ADAM22: variants seen among roughly 807,000 people sequenced by gnomAD.
ADAM22 encodes the protein ADAM metallopeptidase domain 22, also known as disintegrin and metalloproteinase domain-containing protein 22.
In ADAM22, 65 loss-of-function variants were observed where a neutral mutation model predicts 144.6. The ratio of observed to expected loss-of-function variants is 0.45; its 90% CI spans 0.37 to 0.55. The LOEUF is 0.55. Ranked by LOEUF, ADAM22 falls within the 20% of genes least tolerant of loss-of-function variation. The pLI, the probability that ADAM22 is intolerant of heterozygous loss-of-function variation, is 0.00. For missense variants in ADAM22, 974 were observed against 1,184.9 expected, an observed-to-expected ratio of 0.82 and a Z score of 2.61; for synonymous variants, 391 against 412.6, an observed-to-expected ratio of 0.95 and a Z score of 0.63.
intron 16 of ADAM22, 55 bp downstream of exon 16, chr7:88,145,251 G>T (rs1836025532): frequency 6.3e-7 from 1 of 1,581,742 alleles, no homozygotes. Context: ...GTCATTCCAG[G>T]TCCACACACT....
chr7:88,082,884 TTGG>T (rs1341488560), intron 4 of ADAM22, among the ~76,000 whole-genome samples: 5 of 152,168 alleles, frequency 3.3e-5, no homozygotes, highest in African/African-American at 4.8e-5. Context: ...TTTTACACTG[TTGG>T]TGGGACTGTA....
At chr7:87,974,724 G>C (rs922121316) in intron 2 of ADAM22, among the ~76,000 whole-genome samples, 2 of 152,194 alleles carry the variant, frequency 1.3e-5, no homozygotes, top group Non-Finnish European at 2.9e-5. Flanking sequence ...ACAACTTATT[G>C]TCTTACAACT....
intron 3 of ADAM22, among the ~76,000 whole-genome samples, chr7:87,991,371 T>A (rs1410867339): frequency 3.5e-5 from 5 of 144,626 alleles, no homozygotes; most frequent in African/African-American, 1.3e-4. Context: ...TTTTTTTTTT[T>A]TTTTTTGAGA....
At chr7:88,176,003 C>T (rs544695515) in intron 26 of ADAM22, among the ~76,000 whole-genome samples, 2 of 152,126 alleles carry the variant, frequency 1.3e-5, no homozygotes, top group South Asian at 2.1e-4. Context: ...GATGGAGTTT[C>T]GCTCTGTCAC....
chr7:88,031,606 G>T lies in ADAM22; in HGVS notation c.324-44020G>T, dbSNP rs141067497. Among the ~76,000 whole-genome samples, 23 of 152,316 alleles carry T rather than the reference G, an allele frequency of 1.5e-4. No individual in the cohort carries two copies. In the East Asian group the frequency reaches 4.0e-3, roughly 27 times the overall value. On this transcript the variant is annotated intron_variant, in intron 3 of 31. Transcript: ENST00000413139. ...TAAGTAGCAAAGCATTCAAGATGTGGCTTCTTCTTACCATGTATGCTCAGA... is the reference window on the plus strand; with the variant it reads ...TAAGTAGCAAAGCATTCAAGATGTGTCTTCTTCTTACCATGTATGCTCAGA...
At chr7:88,092,905 G>GCT (rs1820316058) in intron 4 of ADAM22, among the ~76,000 whole-genome samples, 1 of 152,050 alleles carries the variant, frequency 6.6e-6, no homozygotes, top group Non-Finnish European at 1.5e-5. Context: ...AGCTCTGTTT[G>GCT]TAACCTATTT....
chr7:88,043,433 C>T (rs1191048808), intron 3 of ADAM22, among the ~76,000 whole-genome samples: 1 of 150,308 alleles, frequency 6.7e-6, no homozygotes, highest in Admixed American at 6.7e-5. Flanking sequence ...TGCAGTGAGC[C>T]TAGATCGCGC....
intron 4 of ADAM22, among the ~76,000 whole-genome samples, chr7:88,104,175 G>T (rs1483801809): frequency 6.6e-6 from 1 of 152,070 alleles, no homozygotes; most frequent in East Asian, 1.9e-4. Flanking sequence ...GGAATAGTAT[G>T]CCATCATTGG....
At chr7:87,950,387 T>C (rs537581487) in intron 2 of ADAM22, among the ~76,000 whole-genome samples, 10 of 146,674 alleles carry the variant, frequency 6.8e-5, no homozygotes. Flanking sequence ...GAACATGCGG[T>C]GTTTGGTTTT....
At chr7:88,009,670 G>C (rs759708158) in intron 3 of ADAM22, among the ~76,000 whole-genome samples, 1 of 152,150 alleles carries the variant, frequency 6.6e-6, no homozygotes, top group Non-Finnish European at 1.5e-5. Context: ...AGGTGTCTGT[G>C]ATAATGGAAT....
intron 3 of ADAM22, among the ~76,000 whole-genome samples, chr7:88,001,510 T>C (rs2129456390): frequency 6.6e-6 from 1 of 152,300 alleles, no homozygotes; most frequent in East Asian, 1.9e-4. Flanking sequence ...ACTCAAAAGC[T>C]AATATTGAGG....
At chr7:87,957,047 T>A (rs1846957399) in intron 2 of ADAM22, among the ~76,000 whole-genome samples, 3 of 152,240 alleles carry the variant, frequency 2.0e-5, no homozygotes, top group Non-Finnish European at 4.4e-5. Flanking sequence ...GAGTCCTTTC[T>A]GTGATCTTAC....
At chr7:88,084,632 T>C (rs185746780) in intron 4 of ADAM22, among the ~76,000 whole-genome samples, 2 of 152,342 alleles carry the variant, frequency 1.3e-5, no homozygotes, top group East Asian at 3.9e-4. Context: ...TTACATGAAA[T>C]CTGATAGAAG....
chr7:88,095,157 C>T (rs1252710893), intron 4 of ADAM22, among the ~76,000 whole-genome samples: 1 of 152,118 alleles, frequency 6.6e-6, no homozygotes. Flanking sequence ...TTTCTGATTC[C>T]ACTCATGACA....
At chr7:88,025,094 A>G (rs1798721566) in intron 3 of ADAM22, among the ~76,000 whole-genome samples, 1 of 152,134 alleles carries the variant, frequency 6.6e-6, no homozygotes, top group African/African-American at 2.4e-5. Flanking sequence ...GTCAAATGGT[A>G]TTTCTAGTTC....
chr7:88,020,034 G>C (rs1797452429), intron 3 of ADAM22, among the ~76,000 whole-genome samples: 1 of 152,076 alleles, frequency 6.6e-6, no homozygotes, highest in Non-Finnish European at 1.5e-5. Flanking sequence ...CACAAAAATA[G>C]TGAAAGCCAT....
At chr7:88,151,104 T>C (rs1400171933) in intron 19 of ADAM22, 73 bp downstream of exon 19, 1 of 1,545,826 alleles carries the variant, frequency 6.5e-7, no homozygotes, top group African/African-American at 1.4e-5. Flanking sequence ...CTTATCAAAA[T>C]AGGAAGATCA....
At chr7:88,166,167 T>A (rs1321025737) in intron 24 of ADAM22, among the ~76,000 whole-genome samples, 3 of 152,174 alleles carry the variant, frequency 2.0e-5, no homozygotes, top group African/African-American at 7.2e-5. Flanking sequence ...AGCCTTATCT[T>A]GTCCTACTTC....
At chr7:88,144,049 A>T (rs1835594822) in intron 15 of ADAM22, among the ~76,000 whole-genome samples, 1 of 152,160 alleles carries the variant, frequency 6.6e-6, no homozygotes, top group African/African-American at 2.4e-5. Context: ...GCTGTTTTTT[A>T]TTTGTTATGA....
Sources: allele counts gnomAD v4.1 joint callset (sites outside exome capture counted in the v4.1 genomes callset), GRCh38; gene constraint gnomAD v4.1.1; transcripts MANE v1.5; gene names NCBI Gene and HGNC (gene_info 2026-07-23, HGNC 2026-07-21).